Variants in LBP observed in about 807,000 individuals in gnomAD.
The protein encoded by LBP is lipopolysaccharide binding protein, also known as lipopolysaccharide-binding protein.
In LBP, 53 loss-of-function variants were observed where a neutral mutation model predicts 56.6. The ratio of observed to expected loss-of-function variants is 0.94; its 90% CI spans 0.75 to 1.18. LBP has a LOEUF of 1.18. Ranked by LOEUF, LBP falls within the 50% of genes most tolerant of loss-of-function variation. The pLI is 0.00. For synonymous variants in LBP, 227 were observed against 247.5 expected, an observed-to-expected ratio of 0.92 and a Z score of 0.78; for missense variants, 601 against 598.3, an observed-to-expected ratio of 1.00 and a Z score of -0.05.
chr20:38,376,610 T>C lies in LBP; in HGVS notation c.1402-15T>C. The C allele has an allele frequency of 6.2e-7, 1 of 1,612,676 alleles. No individual in the cohort carries two copies. The highest frequency in any genetic ancestry group is 8.5e-7 in the Non-Finnish European group (1 of 1,178,664). On this transcript the variant is annotated splice_polypyrimidine_tract_variant and intron_variant, in intron 14 of 14. Coordinates refer to ENST00000217407, the MANE Select transcript of LBP (RefSeq NM_004139.5). ...GGATGCTCTTTACCATCCTGTCCTG[T>C]CCTGTTTTTCCTAGGACTTCCTGTT...
chr20:38,373,004 GT>G, intron 12 of LBP, 67 bp from the exon 13 acceptor site: 1 of 1,370,330 alleles, frequency 7.3e-7, no homozygotes, highest in Non-Finnish European at 1.0e-6. Flanking sequence ...GTTTTGCTAT[GT>G]TGGCACACAC....
At chr20:38,376,424 T>A (rs1423482935) in intron 14 of LBP, among the ~76,000 whole-genome samples, 17 of 152,190 alleles carry the variant, frequency 1.1e-4, no homozygotes. Flanking sequence ...GACAGATCGA[T>A]CTCTACCTTG....
intron 6 of LBP, 148 bp from the exon 7 acceptor site, chr20:38,363,827 G>C (rs1324607066): frequency 1.6e-6 from 1 of 626,038 alleles, no homozygotes. Flanking sequence ...TGTCTTTCTT[G>C]AAGAAGCAAT....
chr20:38,361,592 A>G (rs2076860390), intron 6 of LBP, among the ~76,000 whole-genome samples: 1 of 151,856 alleles, frequency 6.6e-6, no homozygotes, highest in Non-Finnish European at 1.5e-5. Flanking sequence ...TTTTGTAGAG[A>G]CAGGGTTTCT....
At position 38,363,997 on chromosome 20, in the gene LBP, C is replaced by A; in HGVS notation, c.675C>A (p.Phe225Leu). 6.2e-7 allele frequency: 1 copy of A among 1,613,726 alleles called. No homozygotes were observed. The highest frequency in any genetic ancestry group is 1.1e-5 in the South Asian group (1 of 91,078). The change falls in exon 7 of 15, where the codon TTC (phenylalanine) becomes TTA (leucine). Residue 225 changes from phenylalanine (F) to leucine (L), a missense_variant. Coordinates refer to ENST00000217407, the MANE Select transcript of LBP (RefSeq NM_004139.5). ...TLPVTTEIDS[F>L]ADIDYSLVEA... ...CAGTTACAACAGAGATTGACAGTTT[C>A]GCCGACATTGATTATAGCTTAGTGG...
intron 5 of LBP, among the ~76,000 whole-genome samples, chr20:38,360,244 G>GGC (rs1468758412): frequency 6.9e-6 from 1 of 144,726 alleles, no homozygotes; most frequent in Non-Finnish European, 1.5e-5. Context: ...TGGCCAACAG[G>GGC]GCGAGACTCC....
Position 38,358,181 on chromosome 20 carries a change from A to G in LBP, c.589-2523A>G, listed in dbSNP as rs538061569. On this transcript the variant is annotated intron_variant, in intron 5 of 14. Coordinates refer to ENST00000217407, the MANE Select transcript of LBP (RefSeq NM_004139.5). The stretch of plus-strand genomic sequence containing the variant: ...TCACTCTAGTTATAACACCACTGAC[A>G]AAAACACCCTGGGAAGCACTTGGCC... Among the ~76,000 whole-genome samples, 284 of 152,298 alleles carry G rather than the reference A, an allele frequency of 1.9e-3. 1 individual carries two copies. The highest frequency in any genetic ancestry group is 6.4e-3 in the African/African-American group (264 of 41,564).
intron 4 of LBP, 43 bp from the exon 5 acceptor site, chr20:38,355,303 G>C: frequency 6.3e-7 from 1 of 1,595,474 alleles, no homozygotes; most frequent in Non-Finnish European, 8.6e-7. Flanking sequence ...CCAGGCACCC[G>C]GCCATCCCCA....
chr20:38,367,398 G>C (rs900843472), intron 9 of LBP, among the ~76,000 whole-genome samples: 2 of 152,254 alleles, frequency 1.3e-5, no homozygotes, highest in Non-Finnish European at 2.9e-5. Context: ...AGGCTGCAGT[G>C]AGCTGTGATT....
chr20:38,349,760 G>A (rs544054560), intron 2 of LBP, 98 bp downstream of exon 2: 3 of 861,934 alleles, frequency 3.5e-6, no homozygotes, highest in East Asian at 2.7e-5. Context: ...ATTGGGCTGT[G>A]GGGGGACCTC....
chr20:38,352,888 ATG>A (rs1466091959), intron 3 of LBP, among the ~76,000 whole-genome samples: 1 of 152,120 alleles, frequency 6.6e-6, no homozygotes, highest in Non-Finnish European at 1.5e-5. Flanking sequence ...AAATCATACT[ATG>A]TATTACTAAA....
At chr20:38,362,438 C>T (rs1439391273) in intron 6 of LBP, among the ~76,000 whole-genome samples, 1 of 149,938 alleles carries the variant, frequency 6.7e-6, no homozygotes, top group Non-Finnish European at 1.5e-5. Context: ...CATGGTGAAA[C>T]CCCGTCTCTA....
chr20:38,368,383 TGAGGTCAG>T (rs1296822257), intron 9 of LBP, among the ~76,000 whole-genome samples: 1 of 152,148 alleles, frequency 6.6e-6, no homozygotes, highest in Non-Finnish European at 1.5e-5. Flanking sequence ...GCAGATCACC[TGAGGTCAG>T]GAGTTCAAGA....
chr20:38,365,108 G>A (rs1036484990), intron 8 of LBP, among the ~76,000 whole-genome samples: 22 of 151,800 alleles, frequency 1.4e-4, no homozygotes, highest in African/African-American at 5.1e-4. Context: ...GGTGGTGTGC[G>A]CCTGTAATCC....
At chr20:38,354,060 G>A (rs1053887676) in intron 3 of LBP, among the ~76,000 whole-genome samples, 1 of 151,846 alleles carries the variant, frequency 6.6e-6, no homozygotes, top group African/African-American at 2.4e-5. Flanking sequence ...TTTCCTTTAT[G>A]GCTTATGAGA....
intron 4 of LBP, among the ~76,000 whole-genome samples, chr20:38,354,653 A>G (rs1345591966): frequency 6.6e-6 from 1 of 151,962 alleles, no homozygotes; most frequent in Non-Finnish European, 1.5e-5. Flanking sequence ...CATTCACCTG[A>G]CAAGGGGACC....
At chr20:38,368,047 A>AAAAGAAAGAAAGAAAGAAAG (rs559104819) in intron 9 of LBP, among the ~76,000 whole-genome samples, 1 of 151,990 alleles carries the variant, frequency 6.6e-6, no homozygotes, top group African/African-American at 2.4e-5. Flanking sequence ...GAAAAGTTAA[A>AAAAGAAAGAAAGAAAGAAAG]AAAGAAAGAA....
At chr20:38,369,537 TC>T (rs2076894317) in intron 10 of LBP, among the ~76,000 whole-genome samples, 1 of 152,208 alleles carries the variant, frequency 6.6e-6, no homozygotes, top group Admixed American at 6.5e-5. Context: ...TTCCCAAGCT[TC>T]TTTGCACTTT....
chr20:38,364,676 C>A lies in LBP; in HGVS notation c.845C>A (p.Ser282Ter), dbSNP rs867224254. Residue 282 changes from serine (S) to a stop codon, truncating the protein, a stop_gained, in exon 8 of 15, where the codon TCG (serine) becomes TAG (stop). Transcript: ENST00000217407. LOFTEE classifies it high-confidence loss of function. ...AACAAAATGGTCTACTTTGCCATCT[C>A]GGATTATGTCTTCAACACGGCCAGC... The part of the protein sequence containing the change: ...EHNKMVYFAI[S>*]DYVFNTASLV... 5 of 1,614,034 alleles carry A rather than the reference C, an allele frequency of 3.1e-6. No individual in the cohort carries two copies. In the African/African-American group the frequency reaches 6.7e-5, roughly 22 times the overall value.
Sources: allele counts gnomAD v4.1 joint callset (sites outside exome capture counted in the v4.1 genomes callset), GRCh38; gene constraint gnomAD v4.1.1; transcripts MANE v1.5; gene names NCBI Gene and HGNC (gene_info 2026-07-23, HGNC 2026-07-21).